The following SEPTIN11 variants were observed in gnomAD, a reference collection of about 807,000 sequenced individuals.
SEPTIN11 encodes septin 11.
A neutral mutation model predicts 51.4 loss-of-function variants in SEPTIN11; 25 were observed. The observed-to-expected ratio is 0.49, with a 90% CI of 0.35 to 0.68. SEPTIN11 has a LOEUF of 0.68. SEPTIN11 is among the 30% of genes least tolerant of loss of function. SEPTIN11 has a pLI of 0.00. For synonymous variants in SEPTIN11, 174 were observed against 184.1 expected (o/e 0.95, Z 0.44); for missense variants, 381 against 520.8 (o/e 0.73, Z 2.61).
chr4:76,979,950 C>A (rs1560706185), intron 1 of SEPTIN11, among the ~76,000 whole-genome samples: 1 of 151,984 alleles, frequency 6.6e-6, no homozygotes, highest in Non-Finnish European at 1.5e-5. Flanking sequence ...AAGGGTAGAC[C>A]AAGCATCAAG....
chr4:77,035,696 C>T lies in SEPTIN11; in HGVS notation c.*1184C>T, dbSNP rs1433141175. On this transcript the variant is annotated 3_prime_UTR_variant, in exon 10 of 10. Transcript: ENST00000264893. Reference sequence around the variant, plus strand: ...TCAAATCATTGTCTGGAATTTTCCTCACCTTGGCTAGCTCCACCTGCTCTT... The same window carrying T: ...TCAAATCATTGTCTGGAATTTTCCTTACCTTGGCTAGCTCCACCTGCTCTT... 2 of 985,772 alleles carry T rather than the reference C, an allele frequency of 2.0e-6. No individual in the cohort carries two copies. Among genetic ancestry groups the T allele is most frequent in the Non-Finnish European group, 2.4e-6 (2 of 829,946 alleles). The allele number at this position is 985,772 out of a possible 1,614,324, so 61.1% of individuals were successfully genotyped here.
intron 1 of SEPTIN11, among the ~76,000 whole-genome samples, chr4:76,956,015 T>G (rs112784204): frequency 6.6e-6 from 1 of 152,206 alleles, no homozygotes; most frequent in Admixed American, 6.5e-5. Flanking sequence ...CATTGGATTT[T>G]ATGAAAACAG....
intron 6 of SEPTIN11, 113 bp downstream of exon 6, chr4:77,019,374 G>A: frequency 3.7e-6 from 3 of 806,016 alleles, no homozygotes; most frequent in Non-Finnish European, 5.7e-6. Context: ...GCTGGCAGTG[G>A]GAGGGAGTGG....
intron 3 of SEPTIN11, among the ~76,000 whole-genome samples, 168 bp from the exon 4 acceptor site, chr4:77,011,567 G>T (rs550329043): frequency 6.6e-6 from 1 of 152,216 alleles, no homozygotes; most frequent in South Asian, 2.1e-4. Flanking sequence ...TGGGACAGGA[G>T]AGGTGAGCCT....
rs114668506 is a variant in SEPTIN11 at position 76,977,806 on chromosome 4, A to G, written c.28-18619A>G. Reference sequence around the variant, plus strand: ...GCACATACTAGGTAGAGATACAGAAAATATTTCTTCTCTAGCCCATACTAC... The same window carrying G: ...GCACATACTAGGTAGAGATACAGAAGATATTTCTTCTCTAGCCCATACTAC... On this transcript the variant is annotated intron_variant, in intron 1 of 9. Coordinates refer to ENST00000264893, the MANE Select transcript of SEPTIN11 (RefSeq NM_018243.4). Among the ~76,000 whole-genome samples, 557 of 152,068 alleles carry G rather than the reference A, an allele frequency of 3.7e-3. 3 individuals carry two copies. Among genetic ancestry groups the G allele is most frequent in the African/African-American group, 0.013 (524 of 41,452 alleles).
intron 1 of SEPTIN11, among the ~76,000 whole-genome samples, chr4:76,955,613 G>T (rs913779733): frequency 6.6e-6 from 1 of 152,180 alleles, no homozygotes; most frequent in African/African-American, 2.4e-5. Context: ...AGATATCTCA[G>T]ATCCTTGAAA....
chr4:76,975,073 G>A (rs1003056477), intron 1 of SEPTIN11, among the ~76,000 whole-genome samples: 1 of 147,502 alleles, frequency 6.8e-6, no homozygotes, highest in Non-Finnish European at 1.5e-5. Flanking sequence ...CAGAGATTGC[G>A]CCACTGCACT....
intron 8 of SEPTIN11, among the ~76,000 whole-genome samples, chr4:77,030,209 T>G (rs1361270526): frequency 6.6e-6 from 1 of 151,288 alleles, no homozygotes; most frequent in Non-Finnish European, 1.5e-5. Context: ...TGAGCTGAGA[T>G]TGTGTCACTA....
chr4:76,988,124 G>T lies in SEPTIN11; in HGVS notation c.28-8301G>T, dbSNP rs1020289319. On this transcript the variant is annotated intron_variant, in intron 1 of 9. Coordinates refer to ENST00000264893, the MANE Select transcript of SEPTIN11 (RefSeq NM_018243.4). Reference sequence around the variant, plus strand: ...AACCTGCACATCAGCTGTACACAGGGGCCGCCTATTAAATTAATATTCAAC... The same window carrying T: ...AACCTGCACATCAGCTGTACACAGGTGCCGCCTATTAAATTAATATTCAAC... 3.9e-5 allele frequency among the ~76,000 whole-genome samples: 6 copies of T among 152,186 alleles called. 1 individual carries two copies. The South Asian group carries it at 1.0e-3, about 26-fold the overall frequency.
In SEPTIN11 at chr4:77,016,633, C is replaced by CATATATATATATATATATATAT. The variant is rs1234653472; in HGVS notation, c.687+1618_687+1639dup. 1.0e-2 allele frequency among the ~76,000 whole-genome samples: 724 copies of CATATATATATATATATATATAT among 72,528 alleles called. 28 individuals are homozygous for CATATATATATATATATATATAT. Among genetic ancestry groups the CATATATATATATATATATATAT allele is most frequent in the African/African-American group, 0.018 (338 of 18,964 alleles). 47.6% of individuals were successfully genotyped at this position (72,528 alleles called of 152,430 possible). On this transcript the variant is annotated intron_variant, in intron 5 of 9. Coordinates refer to ENST00000264893, the MANE Select transcript of SEPTIN11 (RefSeq NM_018243.4). The stretch of plus-strand genomic sequence containing the variant: ...ATATACACATATATATATATATACA[C>CATATATATATATATATATATAT]ATATATATATATATATATATATACA...
intron 5 of SEPTIN11, among the ~76,000 whole-genome samples, chr4:77,016,663 T>C (rs1428536921): frequency 2.8e-4 from 37 of 134,240 alleles, no homozygotes; most frequent in African/African-American, 8.8e-4. Flanking sequence ...TATACACATA[T>C]ATATATATAT....
At chr4:76,961,808 C>G (rs11733566) in intron 1 of SEPTIN11, among the ~76,000 whole-genome samples, 81,408 of 152,038 alleles carry the variant, frequency 0.54, 22,254 homozygotes, top group Middle Eastern at 0.61. Flanking sequence ...ACCATTGTAA[C>G]TGGGGACTGT....
chr4:76,970,227 A>G lies in SEPTIN11; in HGVS notation c.27+20297A>G, dbSNP rs551025651. Among the ~76,000 whole-genome samples the G allele has an allele frequency of 4.1e-4, 63 of 152,304 alleles. 1 individual carries two copies. In the Middle Eastern group the frequency reaches 0.014, roughly 33 times the overall value. On this transcript the variant is annotated intron_variant, in intron 1 of 9. Coordinates refer to ENST00000264893, the MANE Select transcript of SEPTIN11 (RefSeq NM_018243.4). Reference sequence around the variant, plus strand: ...GGACTCTCAACCAGGCAGAGTTAGGAGGACTAGTTTTCTGAATTCCCATTT... The same window carrying G: ...GGACTCTCAACCAGGCAGAGTTAGGGGGACTAGTTTTCTGAATTCCCATTT...
Position 76,980,512 on chromosome 4 carries a change from C to T in SEPTIN11, c.28-15913C>T, listed in dbSNP as rs888334419. ...TGCCACATTGCGCTAAACCCACTCC[C>T]GGTAATAAGCAACCTAAGTGTGTAC... is the stretch of plus-strand genomic sequence containing the variant. On this transcript the variant is annotated intron_variant, in intron 1 of 9. Coordinates refer to ENST00000264893, the MANE Select transcript of SEPTIN11 (RefSeq NM_018243.4). Among the ~76,000 whole-genome samples, 5 of 152,234 alleles carry T rather than the reference C, an allele frequency of 3.3e-5. No homozygotes were observed. In the East Asian group the frequency reaches 5.8e-4, roughly 18 times the overall value.
intron 8 of SEPTIN11, among the ~76,000 whole-genome samples, chr4:77,029,384 T>C (rs1726427400): frequency 1.3e-5 from 2 of 152,222 alleles, no homozygotes; most frequent in African/African-American, 4.8e-5. Context: ...AATGTCTATT[T>C]CTGCTGGTCA....
chr4:77,007,240 A>G (rs542646015), intron 3 of SEPTIN11, among the ~76,000 whole-genome samples: 1 of 152,194 alleles, frequency 6.6e-6, no homozygotes, highest in Non-Finnish European at 1.5e-5. Flanking sequence ...GGGGGTTTCA[A>G]TCATTGCATA....
In SEPTIN11 at chr4:77,028,487, C is replaced by G. The variant is rs190510786; in HGVS notation, c.954-142C>G. ...AACCACAGCATAACTAAAAGCAAAA[C>G]AGTGTCATTCTACTTATGCTTTGAT... On this transcript the variant is annotated intron_variant, in intron 7 of 9. Transcript: ENST00000264893. The G allele has an allele frequency of 3.7e-5, 34 of 913,664 alleles. No homozygotes were observed. In the East Asian group the frequency reaches 8.1e-4, roughly 22 times the overall value. 56.6% of individuals were successfully genotyped at this position (913,664 alleles called of 1,614,324 possible).
At chr4:77,030,175 G>A (rs1726510300) in intron 8 of SEPTIN11, among the ~76,000 whole-genome samples, 1 of 152,040 alleles carries the variant, frequency 6.6e-6, no homozygotes, top group African/African-American at 2.4e-5. Flanking sequence ...AGAATTGCTT[G>A]AACCCAGGAG....
In SEPTIN11 at chr4:77,034,696, G is replaced by C. The variant is rs973933554; in HGVS notation, c.*184G>C. The C allele has an allele frequency of 2.3e-6, 3 of 1,314,558 alleles. No homozygotes were observed. 81.4% of individuals were successfully genotyped at this position (1,314,558 alleles called of 1,614,324 possible). ...GGGTGGTAGAAAATGATAGAACAAG[G>C]GAATAACCGCGAATGCTCTGTGCAG... On this transcript the variant is annotated 3_prime_UTR_variant, in exon 10 of 10. Coordinates refer to ENST00000264893, the MANE Select transcript of SEPTIN11 (RefSeq NM_018243.4).
Sources: allele counts gnomAD v4.1 joint callset (sites outside exome capture counted in the v4.1 genomes callset), GRCh38; gene constraint gnomAD v4.1.1; transcripts MANE v1.5; gene names NCBI Gene and HGNC (gene_info 2026-07-23, HGNC 2026-07-21).